The following RNF182 variants were observed in gnomAD, a reference collection of about 807,000 sequenced individuals.
RNF182 encodes the protein E3 ubiquitin-protein ligase RNF182.
In RNF182, 15 loss-of-function variants were observed where a neutral mutation model predicts 14.4. That is an observed-to-expected ratio of 1.04 (90% CI 0.70 to 1.60). The LOEUF (loss-of-function observed/expected upper bound fraction) is 1.60. Ranked by LOEUF, RNF182 falls within the 40% of genes most tolerant of loss-of-function variation. RNF182 has a pLI of 0.00. For synonymous variants in RNF182, 128 were observed against 122.9 expected (o/e 1.04, Z -0.27); for missense variants, 268 against 294.8 (o/e 0.91, Z 0.67).
At chr6:13,951,287 C>T (rs1218230915) in intron 1 of RNF182, among the ~76,000 whole-genome samples, 2 of 152,208 alleles carry the variant, frequency 1.3e-5, no homozygotes, top group African/African-American at 4.8e-5. Flanking sequence ...GTCAGGAAAG[C>T]ATGCAGTTTC....
rs116035436 is a variant in RNF182 at position 13,962,421 on chromosome 6, C to T, written c.-366-11789C>T. Among the ~76,000 whole-genome samples the T allele has an allele frequency of 6.6e-3, 999 of 152,232 alleles. 10 individuals are homozygous for T. Among genetic ancestry groups the T allele is most frequent in the African/African-American group, 0.023 (962 of 41,544 alleles). On this transcript the variant is annotated intron_variant, in intron 1 of 2. Coordinates refer to ENST00000488300, the MANE Select transcript of RNF182 (RefSeq NM_152737.4). ...ACAAAGAAAAATGATGCTACAAGTG[C>T]TAGAATCTCTCATATGTTTTTGAAG...
Position 13,977,111 on chromosome 6 carries a change from TA to T in RNF182, c.-7del. On this transcript the variant is annotated 5_prime_UTR_variant, in exon 3 of 3. Coordinates refer to ENST00000488300, the MANE Select transcript of RNF182 (RefSeq NM_152737.4). Reference sequence around the variant, plus strand: ...CCCACCTGGCATAAGATTGCACACATAATTCAAGATGGCCAGTCAACCTCCT... The same window carrying T: ...CCCACCTGGCATAAGATTGCACACATATTCAAGATGGCCAGTCAACCTCCT... 1 of 1,606,572 alleles carries T rather than the reference TA, an allele frequency of 6.2e-7. No individual in the cohort carries two copies. The highest frequency in any genetic ancestry group is 8.5e-7 in the Non-Finnish European group (1 of 1,175,386).
chr6:13,975,925 C>T (rs1410475621), intron 2 of RNF182, among the ~76,000 whole-genome samples: 1 of 152,176 alleles, frequency 6.6e-6, no homozygotes, highest in East Asian at 1.9e-4. Context: ...TTACTGCTCC[C>T]TTCCATTAGT....
At chr6:13,969,492 A>G (rs1490877951) in intron 1 of RNF182, among the ~76,000 whole-genome samples, 1 of 152,056 alleles carries the variant, frequency 6.6e-6, no homozygotes, top group African/African-American at 2.4e-5. Flanking sequence ...AGGAAACACT[A>G]CCCCGAAGAA....
intron 1 of RNF182, among the ~76,000 whole-genome samples, chr6:13,931,831 A>G (rs544569546): frequency 6.6e-6 from 1 of 152,186 alleles, no homozygotes; most frequent in South Asian, 2.1e-4. Flanking sequence ...TTGAAATTCT[A>G]ACTCCCAAGG....
intron 1 of RNF182, among the ~76,000 whole-genome samples, chr6:13,938,247 G>T: frequency 7.1e-6 from 1 of 140,728 alleles, no homozygotes; most frequent in Non-Finnish European, 1.5e-5. Flanking sequence ...TCAATCTCCT[G>T]ACCTCGTAAT....
At chr6:13,958,362 G>A (rs890812612) in intron 1 of RNF182, among the ~76,000 whole-genome samples, 1 of 151,990 alleles carries the variant, frequency 6.6e-6, no homozygotes, top group Non-Finnish European at 1.5e-5. Context: ...CTCCAGCCTG[G>A]CAACAGAGCA....
Position 13,980,241 on chromosome 6 carries a change from A to ATTTTATTTTAT in RNF182, c.*2381_*2382insTATTTTATTTT, listed in dbSNP as rs145959228. On this transcript the variant is annotated 3_prime_UTR_variant, in exon 3 of 3. Coordinates refer to ENST00000488300, the MANE Select transcript of RNF182 (RefSeq NM_152737.4). ...ATTTTATTTTATTTTATTTTATTTT[A>ATTTTATTTTAT]TTTATTTATTTTAAAGCAGGGGAGA... is the stretch of plus-strand genomic sequence containing the variant. 8.8e-4 allele frequency: 97 copies of ATTTTATTTTAT among 110,670 alleles called. No homozygotes were observed. Among genetic ancestry groups the ATTTTATTTTAT allele is most frequent in the Non-Finnish European group, 1.6e-3 (82 of 49,840 alleles). 6.9% of individuals were successfully genotyped at this position (110,670 alleles called of 1,614,324 possible). A position where few individuals can be genotyped will look rare whatever the true frequency, so the allele number is the denominator to read the frequency against.
chr6:13,954,665 AT>A (rs1759684456), intron 1 of RNF182, among the ~76,000 whole-genome samples: 1 of 152,132 alleles, frequency 6.6e-6, no homozygotes, highest in South Asian at 2.1e-4. Flanking sequence ...AAACTGAAAG[AT>A]TGGGCATCCT....
intron 1 of RNF182, among the ~76,000 whole-genome samples, chr6:13,955,434 T>C (rs1759702527): frequency 6.6e-6 from 1 of 152,250 alleles, no homozygotes; most frequent in African/African-American, 2.4e-5. Context: ...AATTCTTGTG[T>C]CTTTCCCTTG....
intron 1 of RNF182, among the ~76,000 whole-genome samples, chr6:13,935,832 A>T (rs1210068158): frequency 6.6e-6 from 1 of 152,248 alleles, no homozygotes; most frequent in African/African-American, 2.4e-5. Context: ...GAAATGGGCT[A>T]TGCTATTGAT....
chr6:13,951,444 A>G (rs1759589774), intron 1 of RNF182, among the ~76,000 whole-genome samples: 1 of 152,188 alleles, frequency 6.6e-6, no homozygotes, highest in Non-Finnish European at 1.5e-5. Context: ...GGGTGGGGAC[A>G]TTTCCGTACC....
rs574090276 is a variant in RNF182 at position 13,977,267 on chromosome 6, A to C, written c.148A>C (p.Lys50Gln). 78 of 1,614,076 alleles carry C rather than the reference A, an allele frequency of 4.8e-5. 2 individuals carry two copies. In the South Asian group the frequency reaches 7.6e-4, roughly 16 times the overall value. The change falls in exon 3 of 3, where the codon AAG (lysine) becomes CAG (glutamine). Residue 50 changes from lysine to glutamine, a missense_variant. Coordinates refer to ENST00000488300, the MANE Select transcript of RNF182 (RefSeq NM_152737.4). The stretch of plus-strand genomic sequence containing the variant: ...TAGGGTTTGTGCCAAATGCCTCTAC[A>C]AGATCATAGACTTTGGGGACTCCCC... ...CHRVCAKCLY[K>Q]IIDFGDSPQG...
intron 1 of RNF182, among the ~76,000 whole-genome samples, chr6:13,933,665 C>T (rs116723674): frequency 2.0e-3 from 308 of 152,146 alleles, no homozygotes; most frequent in African/African-American, 7.1e-3. Flanking sequence ...CAAACTATTT[C>T]GAATCTGATA....
At chr6:13,937,948 A>G (rs147593579) in intron 1 of RNF182, among the ~76,000 whole-genome samples, 304 of 150,238 alleles carry the variant, frequency 2.0e-3, no homozygotes, top group African/African-American at 7.1e-3. Flanking sequence ...AGCCTCTTCC[A>G]TGAAATGCCA....
chr6:13,949,254 T>C, intron 1 of RNF182: 2 of 783,992 alleles, frequency 2.6e-6, no homozygotes, highest in Non-Finnish European at 4.7e-6. Context: ...CAGACACCAG[T>C]TGTTTCCTCT....
rs1454034292 is a variant in RNF182, at chr6:13,960,688, T to TGCGC, written c.-366-13521_-366-13520insCGCG. Reference sequence around the variant, plus strand: ...GTGTGTGTGTGTGTGTGTGTGTGTGTGTGTGCGCGCGTGCACATGCATGTG... The same window carrying TGCGC: ...GTGTGTGTGTGTGTGTGTGTGTGTGTGCGCGTGTGCGCGCGTGCACATGCATGTG... On this transcript the variant is annotated intron_variant, in intron 1 of 2. Coordinates refer to ENST00000488300, the MANE Select transcript of RNF182 (RefSeq NM_152737.4). Among the ~76,000 whole-genome samples, 459 of 117,230 alleles carry TGCGC rather than the reference T, an allele frequency of 3.9e-3. 2 individuals carry two copies. Among genetic ancestry groups the TGCGC allele is most frequent in the Non-Finnish European group, 7.1e-3 (360 of 50,504 alleles). The allele number at this position is 117,230 out of a possible 152,430, so 76.9% of individuals were successfully genotyped here. A position where few individuals can be genotyped will look rare whatever the true frequency, so the allele number is the denominator to read the frequency against.
At chr6:13,927,858 C>G (rs977754073) in intron 1 of RNF182, among the ~76,000 whole-genome samples, 1 of 152,232 alleles carries the variant, frequency 6.6e-6, no homozygotes, top group African/African-American at 2.4e-5. Flanking sequence ...TAAATGATTT[C>G]TTCATTACCA....
chr6:13,961,212 T>A (rs1286475229), intron 1 of RNF182, among the ~76,000 whole-genome samples: 1 of 152,246 alleles, frequency 6.6e-6, no homozygotes, highest in African/African-American at 2.4e-5. Flanking sequence ...AAAACCTGTA[T>A]ACCTTCTGAT....
Sources: gnomAD v4.1 joint callset for allele counts (sites outside exome capture counted in the v4.1 genomes callset) on GRCh38, gnomAD v4.1.1 for gene constraint, MANE v1.5 for transcripts, NCBI Gene and HGNC (gene_info 2026-07-23, HGNC 2026-07-21) for gene names.